Variants in ADAMTS2 observed in about 807,000 individuals in gnomAD.
ADAMTS2 encodes ADAM metallopeptidase with thrombospondin type 1 motif 2, also known as A disintegrin and metalloproteinase with thrombospondin motifs 2.
A neutral mutation model predicts 123.0 loss-of-function variants in ADAMTS2; 50 were observed. That is an observed-to-expected ratio of 0.41 (90% confidence interval 0.32 to 0.51). ADAMTS2 has a LOEUF of 0.51. Among genes scored for constraint, ADAMTS2 ranks in the 20% least tolerant of loss-of-function variants. ADAMTS2 has a pLI of 0.35. For synonymous variants in ADAMTS2, 678 were observed against 695.4 expected, an observed-to-expected ratio of 0.98 and a Z score of 0.39; for missense variants, 1,494 against 1,705.2, an observed-to-expected ratio of 0.88 and a Z score of 2.18.
chr5:179,310,218 C>T (rs1229228008), intron 2 of ADAMTS2, among the ~76,000 whole-genome samples: 4 of 152,242 alleles, frequency 2.6e-5, no homozygotes, highest in African/African-American at 7.2e-5. Context: ...GGCCTGTGGA[C>T]GGCCCTCCTC....
Position 179,202,300 on chromosome 5 carries a change from A to C in ADAMTS2, c.891+5213T>G, listed in dbSNP as rs969637393. Among the ~76,000 whole-genome samples the C allele has an allele frequency of 6.6e-6, 1 of 151,578 alleles. No homozygotes were observed. The highest frequency in any genetic ancestry group is 6.6e-5 in the Admixed American group (1 of 15,236). On this transcript the variant is annotated intron_variant, in intron 4 of 21. Transcript: ENST00000251582. The surrounding 1 kb of genome is among the most constrained non-coding windows in gnomAD (Gnocchi z 4.0). Reference sequence around the variant, plus strand: ...TGGCGCCGCCTGCCCCCTCCCCCAAACCTGGAACAGGCGATCCCTATCCTA... The same window carrying C: ...TGGCGCCGCCTGCCCCCTCCCCCAACCCTGGAACAGGCGATCCCTATCCTA...
chr5:179,324,101 A>G (rs1757251245), intron 2 of ADAMTS2, among the ~76,000 whole-genome samples: 1 of 152,236 alleles, frequency 6.6e-6, no homozygotes, highest in Non-Finnish European at 1.5e-5. Flanking sequence ...AGGCAAATCT[A>G]TACAGGCAGA....
chr5:179,187,565 TG>T (rs773316905), intron 4 of ADAMTS2, among the ~76,000 whole-genome samples: 33 of 152,250 alleles, frequency 2.2e-4, no homozygotes, highest in Non-Finnish European at 4.0e-4. Context: ...ACCCCTCTCA[TG>T]GGGAGGCCCC....
At chr5:179,245,796 C>CAA (rs796076369) in intron 3 of ADAMTS2, among the ~76,000 whole-genome samples, 1 of 73,784 alleles carries the variant, frequency 1.4e-5, no homozygotes, top group Non-Finnish European at 2.6e-5. Context: ...AAAAAAAAAA[C>CAA]AAAAAAAACA....
intron 2 of ADAMTS2, among the ~76,000 whole-genome samples, chr5:179,327,429 A>C (rs1011287843): frequency 2.0e-5 from 3 of 152,146 alleles, no homozygotes; most frequent in African/African-American, 7.2e-5. Context: ...CAAAGACCGC[A>C]GTTTTCCTGC....
At chr5:179,232,535 G>A (rs1322429117) in intron 3 of ADAMTS2, among the ~76,000 whole-genome samples, 2 of 152,190 alleles carry the variant, frequency 1.3e-5, no homozygotes, top group African/African-American at 4.8e-5. Context: ...TGAACGCTGT[G>A]CTAGGCCACT....
chr5:179,232,843 T>C (rs573261471), intron 3 of ADAMTS2, among the ~76,000 whole-genome samples: 28 of 152,306 alleles, frequency 1.8e-4, no homozygotes, highest in African/African-American at 6.5e-4. Context: ...TCTTCTTCTG[T>C]TTCTTTGGTT....
At chr5:179,204,151 C>T (rs146829383) in intron 4 of ADAMTS2, among the ~76,000 whole-genome samples, 35 of 152,268 alleles carry the variant, frequency 2.3e-4, no homozygotes, top group African/African-American at 8.2e-4. Context: ...GTCAAATTCT[C>T]AGAAACAGAA....
chr5:179,287,525 G>C (rs1231904890), intron 2 of ADAMTS2, among the ~76,000 whole-genome samples: 3 of 152,204 alleles, frequency 2.0e-5, no homozygotes, highest in Non-Finnish European at 2.9e-5. Flanking sequence ...GCTCCCGTGT[G>C]GGGGCACTCC....
chr5:179,154,027 G>A (rs375245245), intron 8 of ADAMTS2, 22 bp downstream of exon 8: 14 of 1,589,870 alleles, frequency 8.8e-6, no homozygotes, highest in African/African-American at 4.0e-5. Context: ...GGTCGCCCAC[G>A]GGGCACATGG....
Position 179,334,309 on chromosome 5 carries a change from C to T in ADAMTS2, c.534+9458G>A, listed in dbSNP as rs575281864. Among the ~76,000 whole-genome samples the T allele has an allele frequency of 4.5e-3, 685 of 152,280 alleles. 4 individuals are homozygous for T. The highest frequency in any genetic ancestry group is 8.1e-3 in the Non-Finnish European group (552 of 68,022). ...AATGGGGACTGGGTTTCATTCCTGG[C>T]CCAGCAAAGTGGACAGCTGAGGCCG... On this transcript the variant is annotated intron_variant, in intron 2 of 21. Coordinates refer to ENST00000251582, the MANE Select transcript of ADAMTS2 (RefSeq NM_014244.5).
intron 3 of ADAMTS2, among the ~76,000 whole-genome samples, chr5:179,249,109 T>C (rs1318982830): frequency 6.6e-6 from 1 of 152,118 alleles, no homozygotes; most frequent in African/African-American, 2.4e-5. Flanking sequence ...CACAAATATG[T>C]AGAAATTTAA....
rs561664198 is a variant in ADAMTS2, at chr5:179,147,704, A to C, written c.1629+4438T>G. Reference sequence around the variant, plus strand: ...ACAATCATTTAACTCTACTTGTAAGAGACAGAATCATGGCAATAAGCCAAA... The same window carrying C: ...ACAATCATTTAACTCTACTTGTAAGCGACAGAATCATGGCAATAAGCCAAA... On this transcript the variant is annotated intron_variant, in intron 10 of 21. Coordinates refer to ENST00000251582, the MANE Select transcript of ADAMTS2 (RefSeq NM_014244.5). 1.6e-4 allele frequency among the ~76,000 whole-genome samples: 24 copies of C among 152,272 alleles called. 1 individual carries two copies. The South Asian group carries it at 5.0e-3, about 32-fold the overall frequency.
chr5:179,185,395 A>G lies in ADAMTS2; in HGVS notation c.892-4240T>C, dbSNP rs1764145794. Among the ~76,000 whole-genome samples, 1 of 152,026 alleles carries G rather than the reference A, an allele frequency of 6.6e-6. No homozygotes were observed. The highest frequency in any genetic ancestry group is 1.5e-5 in the Non-Finnish European group (1 of 67,974). On this transcript the variant is annotated intron_variant, in intron 4 of 21. Transcript: ENST00000251582. This position sits in a 1 kb window ranked among gnomAD's most constrained non-coding sequence, Gnocchi z 5.9. ...AGCAGGGAGAGGCTGGGGCTCTGGA[A>G]GGGCATTCCGGCAGCTCCCACAGGG... is the stretch of plus-strand genomic sequence containing the variant.
intron 21 of ADAMTS2, chr5:179,120,368 T>C (rs921341016): frequency 5.9e-5 from 9 of 152,194 alleles, no homozygotes; most frequent in African/African-American, 2.2e-4. Context: ...TAATAAAATA[T>C]CCCTGATAAA....
At position 179,125,336 on chromosome 5, in the gene ADAMTS2, A is replaced by T. The variant is rs370189118; in HGVS notation, c.2751-156T>A. Among the ~76,000 whole-genome samples the T allele has an allele frequency of 5.3e-5, 8 of 152,288 alleles. No homozygotes were observed. In the East Asian group the frequency reaches 1.5e-3, roughly 29 times the overall value. ...TGCACCTTCTCTTATTCTCACTAAG[A>T]TGCTGGCTGTCCAGGCTTGCACAGA... On this transcript the variant is annotated intron_variant, in intron 18 of 21. Coordinates refer to ENST00000251582, the MANE Select transcript of ADAMTS2 (RefSeq NM_014244.5).
intron 4 of ADAMTS2, among the ~76,000 whole-genome samples, chr5:179,195,809 A>C (rs1764416274): frequency 6.6e-6 from 1 of 152,198 alleles, no homozygotes; most frequent in Non-Finnish European, 1.5e-5. Flanking sequence ...AAGCGTGAGG[A>C]ACAGAAACAG....
intron 5 of ADAMTS2, among the ~76,000 whole-genome samples, chr5:179,172,041 C>A (rs771500747): frequency 6.6e-6 from 1 of 152,164 alleles, no homozygotes; most frequent in Admixed American, 6.5e-5. Flanking sequence ...TGGAAGCGTG[C>A]GTCCAGCTTC....
intron 3 of ADAMTS2, among the ~76,000 whole-genome samples, chr5:179,245,300 G>C (rs895282873): frequency 6.6e-6 from 1 of 151,978 alleles, no homozygotes; most frequent in Non-Finnish European, 1.5e-5. Flanking sequence ...GGAGGACCCA[G>C]AAGGAACAAA....
Sources: gnomAD v4.1 joint callset for allele counts (sites outside exome capture counted in the v4.1 genomes callset) on GRCh38, gnomAD v4.1.1 for gene constraint, Gnocchi (gnomAD v3.1) non-coding constraint, MANE v1.5 for transcripts, NCBI Gene and HGNC (gene_info 2026-07-23, HGNC 2026-07-21) for gene names.